ARHGAP12: variants seen among roughly 807,000 people sequenced by gnomAD.
The protein encoded by ARHGAP12 is Rho GTPase activating protein 12, also known as rho GTPase-activating protein 12.
In ARHGAP12, 64 loss-of-function variants were observed where a neutral mutation model predicts 108.6. The ratio of observed to expected loss-of-function variants is 0.59; its 90% CI spans 0.48 to 0.73. The LOEUF (loss-of-function observed/expected upper bound fraction) is 0.73, where lower values mean the gene tolerates loss of function less well. Among genes scored for constraint, ARHGAP12 ranks in the 30% least tolerant of loss-of-function variants. ARHGAP12 has a pLI of 0.00. For missense variants in ARHGAP12, 940 were observed against 1,005.9 expected, an observed-to-expected ratio of 0.93 and a Z score of 0.89; for synonymous variants, 312 against 337.2, an observed-to-expected ratio of 0.93 and a Z score of 0.82.
intron 3 of ARHGAP12, among the ~76,000 whole-genome samples, chr10:31,869,553 A>C (rs1317486662): frequency 6.6e-6 from 1 of 151,938 alleles, no homozygotes; most frequent in African/African-American, 2.4e-5. Flanking sequence ...AAACAAACAA[A>C]CAAACAACAA....
At chr10:31,874,145 G>A (rs922948818) in intron 3 of ARHGAP12, among the ~76,000 whole-genome samples, 1 of 152,164 alleles carries the variant, frequency 6.6e-6, no homozygotes, top group Non-Finnish European at 1.5e-5. Flanking sequence ...TAGAAGGTGA[G>A]GCTTCTGGTG....
intron 10 of ARHGAP12, among the ~76,000 whole-genome samples, chr10:31,827,147 T>G (rs979909952): frequency 6.6e-6 from 1 of 152,188 alleles, no homozygotes; most frequent in Non-Finnish European, 1.5e-5. Context: ...GCATATGTAT[T>G]ATCAGTTCAC....
chr10:31,807,852 T>C lies in ARHGAP12; in HGVS notation c.2367-20A>G, dbSNP rs567760675. On this transcript the variant is annotated intron_variant, in intron 19 of 19. Transcript: ENST00000344936. ...ATAACTCTGAAGGGAAAAAAAGAAG[T>C]TGTTAAAAGAGAAAATAAGAGAGAG... 1.5e-4 allele frequency: 225 copies of C among 1,486,554 alleles called. No homozygotes were observed. Among genetic ancestry groups the C allele is most frequent in the Admixed American group, 2.2e-4 (9 of 41,742 alleles). 92.1% of individuals were successfully genotyped at this position (1,486,554 alleles called of 1,614,324 possible).
At chr10:31,876,432 C>A (rs993065082) in intron 3 of ARHGAP12, among the ~76,000 whole-genome samples, 1 of 151,952 alleles carries the variant, frequency 6.6e-6, no homozygotes. Flanking sequence ...ATTGCTTGAA[C>A]CTGGGAGGCA....
At chr10:31,909,054 A>G (rs1443919795) in intron 2 of ARHGAP12, 128 bp from the exon 3 acceptor site, 2 of 546,428 alleles carry the variant, frequency 3.7e-6, no homozygotes, top group South Asian at 2.9e-5. Flanking sequence ...AAACCCCAAA[A>G]AGCAAACATG....
intron 3 of ARHGAP12, among the ~76,000 whole-genome samples, chr10:31,893,410 G>T (rs531594628): frequency 5.3e-5 from 8 of 151,942 alleles, no homozygotes; most frequent in Admixed American, 4.6e-4. Context: ...ATGATAAAGG[G>T]GATATCACCA....
chr10:31,919,903 G>C (rs577636933), intron 1 of ARHGAP12, among the ~76,000 whole-genome samples: 1 of 152,074 alleles, frequency 6.6e-6, no homozygotes, highest in South Asian at 2.1e-4. Flanking sequence ...TGGATCACGA[G>C]GTAGGAGTTC....
At chr10:31,919,199 T>C (rs1839687687) in intron 1 of ARHGAP12, among the ~76,000 whole-genome samples, 1 of 152,156 alleles carries the variant, frequency 6.6e-6, no homozygotes, top group African/African-American at 2.4e-5. Flanking sequence ...GAAAGCAGAA[T>C]GGTGGTTACC....
chr10:31,821,548 T>A (rs190476002), intron 11 of ARHGAP12, among the ~76,000 whole-genome samples: 1 of 152,290 alleles, frequency 6.6e-6, no homozygotes, highest in Admixed American at 6.5e-5. Context: ...CAAATTAATT[T>A]GTCATTAGAA....
intron 3 of ARHGAP12, among the ~76,000 whole-genome samples, chr10:31,869,766 A>G (rs1837471696): frequency 6.6e-6 from 1 of 152,188 alleles, no homozygotes; most frequent in Non-Finnish European, 1.5e-5. Context: ...GGGGAACCAT[A>G]TATATAAGAA....
At chr10:31,923,320 T>C (rs1224736721) in intron 1 of ARHGAP12, among the ~76,000 whole-genome samples, 1 of 152,102 alleles carries the variant, frequency 6.6e-6, no homozygotes, top group Non-Finnish European at 1.5e-5. Context: ...TACCAGTGTT[T>C]TTGAGAATGC....
At chr10:31,910,799 T>C (rs1839311372) in intron 1 of ARHGAP12, among the ~76,000 whole-genome samples, 1 of 152,204 alleles carries the variant, frequency 6.6e-6, no homozygotes, top group South Asian at 2.1e-4. Flanking sequence ...TTCCACACTG[T>C]CTCAAACTTC....
intron 15 of ARHGAP12, among the ~76,000 whole-genome samples, chr10:31,811,966 C>T (rs565520348): frequency 1.1e-4 from 17 of 152,092 alleles, no homozygotes; most frequent in Admixed American, 2.0e-4. Context: ...TAAATACCTT[C>T]TTAATAAAAC....
chr10:31,876,052 GAC>G (rs60068066), intron 3 of ARHGAP12, among the ~76,000 whole-genome samples: 35,837 of 152,156 alleles, frequency 0.24, 4,488 homozygotes, highest in Non-Finnish European at 0.29. Context: ...TCCATCAATA[GAC>G]ACAGTTGCTT....
At chr10:31,834,077 G>A (rs780714089) in intron 9 of ARHGAP12, among the ~76,000 whole-genome samples, 1 of 152,136 alleles carries the variant, frequency 6.6e-6, no homozygotes, top group African/African-American at 2.4e-5. Context: ...CTTTTGCTAG[G>A]GTGAGAGCAA....
intron 3 of ARHGAP12, among the ~76,000 whole-genome samples, chr10:31,891,117 A>G (rs1838411104): frequency 6.6e-6 from 1 of 152,206 alleles, no homozygotes; most frequent in Non-Finnish European, 1.5e-5. Context: ...GGTTTTGTGA[A>G]CCCATTATAC....
At chr10:31,837,567 C>CAGG (rs1836076064) in intron 9 of ARHGAP12, among the ~76,000 whole-genome samples, 1 of 152,098 alleles carries the variant, frequency 6.6e-6, no homozygotes, top group South Asian at 2.1e-4. Context: ...CTGGAAGGGT[C>CAGG]CATCTTGATG....
At chr10:31,907,160 G>A (rs1839164444) in intron 3 of ARHGAP12, among the ~76,000 whole-genome samples, 1 of 152,092 alleles carries the variant, frequency 6.6e-6, no homozygotes, top group South Asian at 2.1e-4. Flanking sequence ...CAGACTTGAT[G>A]AATAATCTTA....
intron 6 of ARHGAP12, among the ~76,000 whole-genome samples, chr10:31,846,876 C>T (rs1316597243): frequency 2.0e-5 from 3 of 150,802 alleles, no homozygotes; most frequent in Non-Finnish European, 4.4e-5. Context: ...CGTATTTTCC[C>T]ACAGGTCTCT....
Sources: gnomAD v4.1 joint callset for allele counts (sites outside exome capture counted in the v4.1 genomes callset) on GRCh38, gnomAD v4.1.1 for gene constraint, MANE v1.5 for transcripts, NCBI Gene and HGNC (gene_info 2026-07-23, HGNC 2026-07-21) for gene names.